The following CSGALNACT1 variants were observed in gnomAD, a reference collection of about 807,000 sequenced individuals.
CSGALNACT1 encodes the protein beta4GalNAcT-1.
CSGALNACT1 carries 52 observed loss-of-function variants against 51.0 expected under a neutral mutation model. The ratio of observed to expected loss-of-function variants is 1.02; its 90% CI spans 0.82 to 1.29. The LOEUF (loss-of-function observed/expected upper bound fraction) is 1.29, where lower values mean the gene tolerates loss of function less well. Ranked by LOEUF, CSGALNACT1 falls within the 50% of genes most tolerant of loss-of-function variation. The pLI, the probability that CSGALNACT1 is intolerant of heterozygous loss-of-function variation, is 0.00. For synonymous variants in CSGALNACT1, 341 were observed against 254.4 expected, an observed-to-expected ratio of 1.34 and a Z score of -3.24; for missense variants, 935 against 679.2, an observed-to-expected ratio of 1.38 and a Z score of -4.19.
chr8:19,420,877 C>T (rs1213188009), intron 6 of CSGALNACT1, among the ~76,000 whole-genome samples: 2 of 152,160 alleles, frequency 1.3e-5, no homozygotes, highest in Non-Finnish European at 2.9e-5. Flanking sequence ...CTGAGCCAAC[C>T]GAATGAGGCC....
chr8:19,426,356 GC>G (rs1373749774), intron 6 of CSGALNACT1, among the ~76,000 whole-genome samples: 1 of 152,094 alleles, frequency 6.6e-6, no homozygotes, highest in Non-Finnish European at 1.5e-5. Context: ...ACAAACCCAA[GC>G]TTTTAAGAAG....
chr8:19,441,288 C>T lies in CSGALNACT1; in HGVS notation c.852-1357G>A, dbSNP rs569462642. On this transcript the variant is annotated intron_variant, in intron 5 of 9. Coordinates refer to ENST00000454498, the Ensembl canonical transcript of CSGALNACT1. Reference sequence around the variant, plus strand: ...CAATCCTAAGCCAAAAGATCAAAGCCGGAGGCATCACACTACCTGACTTCA... The same window carrying T: ...CAATCCTAAGCCAAAAGATCAAAGCTGGAGGCATCACACTACCTGACTTCA... Among the ~76,000 whole-genome samples, 125 of 152,160 alleles carry T rather than the reference C, an allele frequency of 8.2e-4. No individual in the cohort carries two copies. In the South Asian group the frequency reaches 8.7e-3, roughly 11 times the overall value.
At chr8:19,735,749 C>T (rs2063934522) in intron 1 of CSGALNACT1, among the ~76,000 whole-genome samples, 1 of 152,136 alleles carries the variant, frequency 6.6e-6, no homozygotes, top group Non-Finnish European at 1.5e-5. Context: ...GTTCCAATAA[C>T]TTCAATGGAG....
intron 1 of CSGALNACT1, among the ~76,000 whole-genome samples, chr8:19,716,607 C>T (rs1435423004): frequency 8.4e-5 from 5 of 59,446 alleles, no homozygotes; most frequent in Admixed American, 5.1e-4. Context: ...GTAAAACCCT[C>T]TCTACAAAAA....
At chr8:19,713,194 A>G (rs2062610804) in intron 1 of CSGALNACT1, among the ~76,000 whole-genome samples, 1 of 152,170 alleles carries the variant, frequency 6.6e-6, no homozygotes, top group Non-Finnish European at 1.5e-5. Flanking sequence ...GAGCAGCTGA[A>G]TCATTTCCAC....
chr8:19,710,711 T>C lies in CSGALNACT1; in HGVS notation c.-297+47139A>G, dbSNP rs531767373. Among the ~76,000 whole-genome samples the C allele has an allele frequency of 1.4e-4, 21 of 152,314 alleles. No homozygotes were observed. In the South Asian group the frequency reaches 3.7e-3, roughly 27 times the overall value. On this transcript the variant is annotated intron_variant, in intron 1 of 1. Transcript: ENST00000517494. ...CCTTCCTTTAACACTTCTTGCATAA[T>C]GTGTGAAATTGAGTAGAAACCCTAT...
chr8:19,552,229 G>A (rs2088310452), intron 3 of CSGALNACT1, among the ~76,000 whole-genome samples: 1 of 152,154 alleles, frequency 6.6e-6, no homozygotes, highest in African/African-American at 2.4e-5. Flanking sequence ...ACACAAGATG[G>A]TTGGCCTAAT....
At chr8:19,638,200 C>T (rs948937726) in intron 1 of CSGALNACT1, among the ~76,000 whole-genome samples, 1 of 148,968 alleles carries the variant, frequency 6.7e-6, no homozygotes, top group African/African-American at 2.5e-5. Flanking sequence ...ACAGCCACAT[C>T]CACCTCACCC....
At chr8:19,665,502 G>A (rs569131269) in intron 1 of CSGALNACT1, among the ~76,000 whole-genome samples, 145 of 152,256 alleles carry the variant, frequency 9.5e-4, no homozygotes, top group African/African-American at 3.4e-3. Context: ...AACATTTGAC[G>A]GAATAAATGC....
At chr8:19,578,813 C>T (rs920483219) in intron 3 of CSGALNACT1, among the ~76,000 whole-genome samples, 1 of 152,168 alleles carries the variant, frequency 6.6e-6, no homozygotes, top group Non-Finnish European at 1.5e-5. Context: ...CCCCTGATTT[C>T]CATATTGCCA....
At chr8:19,735,670 G>A (rs979909095) in intron 1 of CSGALNACT1, among the ~76,000 whole-genome samples, 1 of 152,150 alleles carries the variant, frequency 6.6e-6, no homozygotes, top group South Asian at 2.1e-4. Flanking sequence ...AAAATTTTAT[G>A]TATTGAAAGA....
intron 5 of CSGALNACT1, among the ~76,000 whole-genome samples, chr8:19,440,244 G>A (rs1346060782): frequency 1.3e-5 from 2 of 152,164 alleles, no homozygotes; most frequent in Non-Finnish European, 2.9e-5. Flanking sequence ...GGTCCTTGGG[G>A]TCCCTGGTTC....
chr8:19,607,913 G>C (rs1301266670), intron 1 of CSGALNACT1, among the ~76,000 whole-genome samples: 1 of 152,176 alleles, frequency 6.6e-6, no homozygotes, highest in Non-Finnish European at 1.5e-5. Context: ...AAGCTACACC[G>C]ATTAATGATG....
intron 3 of CSGALNACT1, among the ~76,000 whole-genome samples, chr8:19,543,932 G>C (rs974498058): frequency 6.6e-6 from 1 of 152,108 alleles, no homozygotes; most frequent in Non-Finnish European, 1.5e-5. Context: ...TTTCTAAAGA[G>C]GAAAAGACGG....
intron 1 of CSGALNACT1, among the ~76,000 whole-genome samples, chr8:19,710,374 AATC>A (rs1183892672): frequency 6.6e-6 from 1 of 152,190 alleles, no homozygotes; most frequent in Admixed American, 6.5e-5. Flanking sequence ...AAAGCAGTGA[AATC>A]ATCTGAAAAA....
Position 19,523,845 on chromosome 8 carries a change from G to A in CSGALNACT1, c.-296-17715C>T, listed in dbSNP as rs147468259. Among the ~76,000 whole-genome samples the A allele has an allele frequency of 1.4e-4, 21 of 152,208 alleles. 1 individual carries two copies. The East Asian group carries it at 3.5e-3, about 25-fold the overall frequency. On this transcript the variant is annotated intron_variant, in intron 3 of 9. Coordinates refer to ENST00000454498, the Ensembl canonical transcript of CSGALNACT1. ...GTCAAGGGAATGTGATCAGTCATTC[G>A]CGATATAAACAAAACAATGCCGTAG...
intron 1 of CSGALNACT1, among the ~76,000 whole-genome samples, chr8:19,667,058 A>AG (rs1274407947): frequency 8.2e-6 from 1 of 122,514 alleles, no homozygotes; most frequent in Non-Finnish European, 1.8e-5. Flanking sequence ...AAAGAAAGAA[A>AG]GAAAGAAAGA....
At chr8:19,510,930 G>A (rs533407543) in intron 3 of CSGALNACT1, among the ~76,000 whole-genome samples, 1 of 152,198 alleles carries the variant, frequency 6.6e-6, no homozygotes, top group African/African-American at 2.4e-5. Context: ...TAGGACAGAA[G>A]TTGCTCTCAG....
intron 1 of CSGALNACT1, among the ~76,000 whole-genome samples, chr8:19,701,153 GTTTT>G (rs767074945): frequency 1.2e-4 from 11 of 93,280 alleles, no homozygotes; most frequent in African/African-American, 3.3e-4. Context: ...TCTATTATCC[GTTTT>G]TTTTTTTTTT....
Sources: allele counts gnomAD v4.1 joint callset (sites outside exome capture counted in the v4.1 genomes callset), GRCh38; gene constraint gnomAD v4.1.1; transcripts MANE v1.5; gene names NCBI Gene and HGNC (gene_info 2026-07-23, HGNC 2026-07-21).